EEIG1: variants seen among roughly 807,000 people sequenced by gnomAD.
EEIG1 encodes estrogen-induced osteoclastogenesis regulator 1.
At chr9:127,980,407 T>C in the EEIG1 span, 2 of 331,568 alleles carry the variant, frequency 6.0e-6, no homozygotes, top group African/African-American at 2.2e-5. Context: ...CAGCAGGGCA[T>C]GGCCCAGGAG....
the EEIG1 span, chr9:127,940,852 CG>C: frequency 1.2e-5 from 1 of 86,948 alleles, no homozygotes; most frequent in Non-Finnish European, 2.7e-5. Context: ...TCAGTTTGTG[CG>C]GTAAACAGGA....
At chr9:127,947,274 A>G in the EEIG1 span, among the ~76,000 whole-genome samples, 1 of 151,686 alleles carries the variant, frequency 6.6e-6, no homozygotes, top group African/African-American at 2.4e-5. Flanking sequence ...AAAAAAAAAA[A>G]AAAAAAAAAG....
chr9:127,943,215 G>C, the EEIG1 span: 1 of 1,614,128 alleles, frequency 6.2e-7, no homozygotes, highest in Non-Finnish European at 8.5e-7. Context: ...ATCACAACTG[G>C]CTCGTAGACC....
the EEIG1 span, among the ~76,000 whole-genome samples, chr9:127,969,238 T>C: frequency 1.3e-5 from 2 of 152,206 alleles, no homozygotes; most frequent in Non-Finnish European, 2.9e-5. Flanking sequence ...GAGACGAATG[T>C]GCCTAACAGT....
At chr9:127,962,903 T>TA in the EEIG1 span, among the ~76,000 whole-genome samples, 1 of 152,162 alleles carries the variant, frequency 6.6e-6, no homozygotes, top group Admixed American at 6.5e-5. Flanking sequence ...GGACCCTCCT[T>TA]ACTGCCCACC....
At chr9:127,951,296 C>T in the EEIG1 span, among the ~76,000 whole-genome samples, 11 of 152,208 alleles carry the variant, frequency 7.2e-5, no homozygotes, top group African/African-American at 2.7e-4. Context: ...CTTACCACCT[C>T]CTGCCCAGCT....
At chr9:127,946,178 A>C in the EEIG1 span, among the ~76,000 whole-genome samples, 8 of 152,322 alleles carry the variant, frequency 5.3e-5, no homozygotes, top group Admixed American at 1.3e-4. Flanking sequence ...TCAAGAGGGC[A>C]AGGGCTTTCC....
At chr9:127,954,082 A>G in the EEIG1 span, among the ~76,000 whole-genome samples, 1 of 152,340 alleles carries the variant, frequency 6.6e-6, no homozygotes, top group East Asian at 1.9e-4. Flanking sequence ...CACCACAAGA[A>G]TGTACTCGTG....
chr9:127,967,176 G>A, the EEIG1 span, among the ~76,000 whole-genome samples: 2 of 152,164 alleles, frequency 1.3e-5, no homozygotes, highest in African/African-American at 2.4e-5. Context: ...CTGGTGTTGG[G>A]GACCATGTTA....
At chr9:127,980,314 G>C in the EEIG1 span, 2 of 607,540 alleles carry the variant, frequency 3.3e-6, no homozygotes, top group Non-Finnish European at 5.5e-6. Flanking sequence ...CACCAGTCCA[G>C]TTCGCGGGCC....
the EEIG1 span, among the ~76,000 whole-genome samples, chr9:127,962,276 C>T: frequency 2.6e-5 from 4 of 152,230 alleles, no homozygotes; most frequent in Non-Finnish European, 5.9e-5. Flanking sequence ...CCACCTCTGG[C>T]CACTGGAGTG....
the EEIG1 span, chr9:127,944,357 A>G: frequency 5.1e-5 from 30 of 586,316 alleles, no homozygotes; most frequent in Non-Finnish European, 7.6e-5. Flanking sequence ...TGCACCAGGC[A>G]TTGCTGGAGG....
chr9:127,965,106 C>CAAAAAAAAAAAAAAAAAAAAAAAA, the EEIG1 span, among the ~76,000 whole-genome samples: 1 of 69,700 alleles, frequency 1.4e-5, no homozygotes, highest in African/African-American at 5.6e-5. Context: ...AAGACTGTCT[C>CAAAAAAAAAAAAAAAAAAAAAAAA]AAAAAAAAAA....
At chr9:127,963,396 G>A in the EEIG1 span, among the ~76,000 whole-genome samples, 3 of 152,364 alleles carry the variant, frequency 2.0e-5, no homozygotes, top group South Asian at 2.1e-4. Context: ...GTTGCAGGGC[G>A]TGCTTCCCCC....
the EEIG1 span, among the ~76,000 whole-genome samples, chr9:127,976,406 C>T: frequency 6.6e-6 from 1 of 152,238 alleles, no homozygotes; most frequent in African/African-American, 2.4e-5. The surrounding 1 kb of genome is among the most constrained non-coding windows in gnomAD (Gnocchi z 4.1). Context: ...ATACAGAATG[C>T]GTACAATCAA....
chr9:127,975,274 C>A, the EEIG1 span, among the ~76,000 whole-genome samples: 1 of 152,224 alleles, frequency 6.6e-6, no homozygotes, highest in Non-Finnish European at 1.5e-5. Context: ...GGCCACCATC[C>A]CAGCCGTGCC....
the EEIG1 span, chr9:127,980,241 TCCCGC>T: frequency 7.7e-7 from 1 of 1,305,204 alleles, no homozygotes. Flanking sequence ...CAGAGCCGGA[TCCCGC>T]CCTGATGGTG....
At chr9:127,973,791 C>T in the EEIG1 span, among the ~76,000 whole-genome samples, 88 of 152,264 alleles carry the variant, frequency 5.8e-4, 1 homozygote, top group African/African-American at 2.1e-3. This position sits in a 1 kb window ranked among gnomAD's most constrained non-coding sequence, Gnocchi z 4.2. Context: ...CCTCCTTGTG[C>T]CCCCGACCTG....
chr9:127,943,316 G>T, the EEIG1 span: 2 of 1,413,544 alleles, frequency 1.4e-6, no homozygotes, highest in Non-Finnish European at 2.0e-6. Flanking sequence ...GCCTCTGGAG[G>T]TGTTTCACAA....
Sources: allele counts gnomAD v4.1 joint callset (sites outside exome capture counted in the v4.1 genomes callset), GRCh38; gene constraint gnomAD v4.1.1; non-coding constraint Gnocchi (gnomAD v3.1); transcripts MANE v1.5; gene names NCBI Gene and HGNC (gene_info 2026-07-23, HGNC 2026-07-21).